Variants in DPYSL3 observed in about 807,000 individuals in gnomAD.
DPYSL3 encodes the protein dihydropyrimidinase-related protein 3.
Under a neutral mutation model 66.1 loss-of-function variants are expected in DPYSL3, and 16 were observed. The ratio of observed to expected loss-of-function variants is 0.24; its 90% CI spans 0.16 to 0.37. DPYSL3 has a LOEUF of 0.37. Ranked by LOEUF, DPYSL3 falls within the 10% of genes least tolerant of loss-of-function variation. DPYSL3 has a pLI of 1.00. For missense variants in DPYSL3, 738 were observed against 916.2 expected, an observed-to-expected ratio of 0.81 and a Z score of 2.51; for synonymous variants, 338 against 345.1, an observed-to-expected ratio of 0.98 and a Z score of 0.23.
intron 8 of DPYSL3, 127 bp downstream of exon 8, chr5:147,405,483 A>G (rs543577610): frequency 1.8e-5 from 23 of 1,312,278 alleles, no homozygotes; most frequent in Non-Finnish European, 2.2e-5. Flanking sequence ...CAGGATGTGG[A>G]GAGCGGCTTC....
chr5:147,395,470 G>T, intron 13 of DPYSL3, 89 bp downstream of exon 13: 1 of 1,491,458 alleles, frequency 6.7e-7, no homozygotes, highest in Non-Finnish European at 9.1e-7. Context: ...ACTCCTTCAG[G>T]TTGAGTTCTG....
intron 8 of DPYSL3, among the ~76,000 whole-genome samples, chr5:147,403,721 C>A (rs1019570222): frequency 2.0e-5 from 3 of 152,128 alleles, no homozygotes; most frequent in Non-Finnish European, 4.4e-5. Context: ...GAAGTGCAAA[C>A]CCTGCTACAC....
At chr5:147,493,115 T>A (rs777673854) in intron 1 of DPYSL3, among the ~76,000 whole-genome samples, 3 of 152,084 alleles carry the variant, frequency 2.0e-5, no homozygotes, top group Non-Finnish European at 4.4e-5. Flanking sequence ...TACATAATGA[T>A]AAAGGGGTAA....
chr5:147,398,950 T>G (rs2152016083), intron 11 of DPYSL3, 132 bp downstream of exon 11: 2 of 1,259,428 alleles, frequency 1.6e-6, no homozygotes, highest in East Asian at 4.8e-5. Flanking sequence ...CCACTGAGAT[T>G]TAGGGGATGG....
intron 1 of DPYSL3, among the ~76,000 whole-genome samples, chr5:147,500,979 T>G (rs1477053375): frequency 6.6e-6 from 1 of 152,220 alleles, no homozygotes; most frequent in Non-Finnish European, 1.5e-5. Flanking sequence ...TTTACCTAAA[T>G]GAACTGAAGA....
intron 1 of DPYSL3, among the ~76,000 whole-genome samples, chr5:147,469,453 G>A (rs896267907): frequency 6.6e-6 from 1 of 152,180 alleles, no homozygotes; most frequent in Non-Finnish European, 1.5e-5. Context: ...CTATAAAATA[G>A]GGATAATATG....
intron 1 of DPYSL3, among the ~76,000 whole-genome samples, chr5:147,488,537 G>A (rs1753369908): frequency 6.6e-6 from 1 of 151,778 alleles, no homozygotes; most frequent in Non-Finnish European, 1.5e-5. Context: ...GGCAACATAG[G>A]GAAACCCCAT....
intron 1 of DPYSL3, among the ~76,000 whole-genome samples, chr5:147,492,055 G>T (rs1753424197): frequency 2.0e-5 from 3 of 151,820 alleles, no homozygotes; most frequent in Non-Finnish European, 4.4e-5. Context: ...CCATAGGGGG[G>T]GAAATACCTT....
intron 2 of DPYSL3, among the ~76,000 whole-genome samples, chr5:147,424,459 T>G (rs897765314): frequency 6.6e-6 from 1 of 152,234 alleles, no homozygotes. Context: ...GAAATCTATG[T>G]CCTATCTGTG....
At position 147,393,877 on chromosome 5, in the gene DPYSL3, C is replaced by G; in HGVS notation, c.*158G>C. On this transcript the variant is annotated 3_prime_UTR_variant, in exon 14 of 14. Coordinates refer to ENST00000343218, the MANE Select transcript of DPYSL3 (RefSeq NM_001197294.2). Reference sequence around the variant, plus strand: ...ACAAAGCAATATTCGTAAAGCTAGGCAAGCGAGCGTAACATTGGAGAAACA... The same window carrying G: ...ACAAAGCAATATTCGTAAAGCTAGGGAAGCGAGCGTAACATTGGAGAAACA... 1 of 733,740 alleles carries G rather than the reference C, an allele frequency of 1.4e-6. No homozygotes were observed. The highest frequency in any genetic ancestry group is 1.9e-5 in the South Asian group (1 of 53,172). The allele number at this position is 733,740 out of a possible 1,614,324, so 45.5% of individuals were successfully genotyped here.
chr5:147,496,194 A>G (rs1753505204), intron 1 of DPYSL3, among the ~76,000 whole-genome samples: 1 of 152,218 alleles, frequency 6.6e-6, no homozygotes, highest in Non-Finnish European at 1.5e-5. Flanking sequence ...CTGGCTAGCC[A>G]TATGTAGAAA....
chr5:147,495,012 T>C (rs950733401), intron 1 of DPYSL3, among the ~76,000 whole-genome samples: 37 of 152,018 alleles, frequency 2.4e-4, no homozygotes, highest in African/African-American at 7.5e-4. Context: ...CAAGAAGAAA[T>C]TGAAAATTTG....
rs536224382 is a variant in DPYSL3, at chr5:147,506,967, A to G, written c.381+2511T>C. On this transcript the variant is annotated intron_variant, in intron 1 of 13. Coordinates refer to ENST00000343218, the MANE Select transcript of DPYSL3 (RefSeq NM_001197294.2). The stretch of plus-strand genomic sequence containing the variant: ...GTATAGACATGGTTTTCGGCCAATG[A>G]AATGTGAGCACACATCATGTTCATT... 4.6e-5 allele frequency among the ~76,000 whole-genome samples: 7 copies of G among 152,332 alleles called. No homozygotes were observed. In the East Asian group the frequency reaches 1.3e-3, roughly 29 times the overall value.
rs1753554709 is a variant in DPYSL3, at chr5:147,498,480, T to C, written c.381+10998A>G. Among the ~76,000 whole-genome samples, 4 of 152,206 alleles carry C rather than the reference T, an allele frequency of 2.6e-5. No homozygotes were observed. In the South Asian group the frequency reaches 6.2e-4, roughly 24 times the overall value. On this transcript the variant is annotated intron_variant, in intron 1 of 13. Coordinates refer to ENST00000343218, the MANE Select transcript of DPYSL3 (RefSeq NM_001197294.2). ...GTAATGAGATTGCTGGGCCAAATGG[T>C]ATTTCTGTCATTAAGTCTCTGAGGA...
chr5:147,471,134 T>C (rs1025592871), intron 1 of DPYSL3, among the ~76,000 whole-genome samples: 1 of 151,924 alleles, frequency 6.6e-6, no homozygotes, highest in Admixed American at 6.6e-5. Context: ...ATAAAGAAAC[T>C]CAAACCAAAG....
intron 6 of DPYSL3, among the ~76,000 whole-genome samples, chr5:147,411,921 CT>C (rs930150937): frequency 5.3e-5 from 8 of 151,592 alleles, no homozygotes; most frequent in East Asian, 1.9e-4. Context: ...AAAGCTCACT[CT>C]TTTTTTTTCG....
intron 1 of DPYSL3, among the ~76,000 whole-genome samples, chr5:147,506,037 GT>G (rs60036507): frequency 0.15 from 23,221 of 152,040 alleles, 1,874 homozygotes; most frequent in Middle Eastern, 0.22. Context: ...TTCCTTATCG[GT>G]TATAACCATT....
At chr5:147,460,171 C>G (rs146516153) in intron 1 of DPYSL3, among the ~76,000 whole-genome samples, 1 of 152,110 alleles carries the variant, frequency 6.6e-6, no homozygotes, top group Non-Finnish European at 1.5e-5. Flanking sequence ...TGATCTTCAT[C>G]TCTGGCCCAG....
intron 1 of DPYSL3, among the ~76,000 whole-genome samples, chr5:147,453,380 G>A (rs1435835842): frequency 6.6e-6 from 1 of 152,180 alleles, no homozygotes; most frequent in East Asian, 1.9e-4. Context: ...CGCTCAGTCT[G>A]TGTGGCGCCG....
Sources: allele counts gnomAD v4.1 joint callset (sites outside exome capture counted in the v4.1 genomes callset), GRCh38; gene constraint gnomAD v4.1.1; transcripts MANE v1.5; gene names NCBI Gene and HGNC (gene_info 2026-07-23, HGNC 2026-07-21).